Variants in RFX4 observed in about 807,000 individuals in gnomAD.
RFX4 encodes transcription factor RFX4.
In RFX4, 10 loss-of-function variants were observed where a neutral mutation model predicts 95.0. The observed-to-expected ratio is 0.11, with a 90% CI of 0.06 to 0.18. The LOEUF (loss-of-function observed/expected upper bound fraction) is 0.18. Ranked by LOEUF, RFX4 falls within the 10% of genes least tolerant of loss-of-function variation. The pLI is 1.00. For synonymous variants in RFX4, 321 were observed against 340.7 expected (o/e 0.94, Z 0.64); for missense variants, 640 against 922.0 (o/e 0.69, Z 3.96).
At chr12:106,601,288 G>A (rs754869980) in intron 1 of RFX4, 2 of 1,593,408 alleles carry the variant, frequency 1.3e-6, no homozygotes, top group East Asian at 2.3e-5. Context: ...TGATCAAAAG[G>A]AGAGCCCACC....
intron 5 of RFX4, chr12:106,684,671 G>A (rs761146553): frequency 1.8e-5 from 26 of 1,449,470 alleles, no homozygotes; most frequent in East Asian, 2.5e-5. Flanking sequence ...TGAAGCCACC[G>A]GAACCATGCT....
intron 8 of RFX4, among the ~76,000 whole-genome samples, chr12:106,702,684 T>G (rs2042013859): frequency 6.6e-6 from 1 of 152,340 alleles, no homozygotes; most frequent in South Asian, 2.1e-4. Flanking sequence ...ACTCTAGTGA[T>G]TTGATCCCTT....
intron 10 of RFX4, among the ~76,000 whole-genome samples, chr12:106,713,423 C>T (rs2042227461): frequency 1.3e-5 from 2 of 152,118 alleles, no homozygotes; most frequent in African/African-American, 2.4e-5. Context: ...ATGAAAGAAA[C>T]AGAATGGAAA....
Position 106,686,839 on chromosome 12 carries a change from CTTTTT to C in RFX4, c.378-36_378-32del, listed in dbSNP as rs56287989. On this transcript the variant is annotated intron_variant, in intron 5 of 17. Coordinates refer to ENST00000392842, the MANE Select transcript of RFX4 (RefSeq NM_213594.3). ...AATAACAGTGCATGTGGGTCTCTCT[CTTTTT>C]TTTTTTTTCTCTCTCTCCCTCCCTC... 4,320 of 1,395,870 alleles carry C rather than the reference CTTTTT, an allele frequency of 3.1e-3. 21 individuals carry two copies. Among genetic ancestry groups the C allele is most frequent in the Admixed American group, 4.8e-3 (252 of 52,742 alleles). 86.5% of individuals were successfully genotyped at this position (1,395,870 alleles called of 1,614,324 possible). A position where few individuals can be genotyped will look rare whatever the true frequency, so the allele number is the denominator to read the frequency against.
intron 2 of RFX4, among the ~76,000 whole-genome samples, chr12:106,611,660 G>A (rs112504378): frequency 6.6e-6 from 1 of 152,164 alleles, no homozygotes; most frequent in African/African-American, 2.4e-5. Context: ...ACAGGCACAT[G>A]CCACTGCGCC....
chr12:106,587,744 G>T (rs947039647), intron 1 of RFX4, among the ~76,000 whole-genome samples: 5 of 152,162 alleles, frequency 3.3e-5, no homozygotes, highest in African/African-American at 1.2e-4. Context: ...ACGACCCGTG[G>T]GTCGCCCAGG....
chr12:106,650,790 G>T (rs966321354), intron 3 of RFX4, among the ~76,000 whole-genome samples: 2 of 151,812 alleles, frequency 1.3e-5, no homozygotes, highest in African/African-American at 4.8e-5. Context: ...TTGTTTTGTT[G>T]TTTGACATTC....
At chr12:106,690,683 T>C (rs2041762187) in intron 7 of RFX4, among the ~76,000 whole-genome samples, 1 of 152,164 alleles carries the variant, frequency 6.6e-6, no homozygotes, top group South Asian at 2.1e-4. Flanking sequence ...TAGGAAGGCA[T>C]ACCCCCTACT....
At chr12:106,658,862 T>C (rs1033527655) in intron 4 of RFX4, among the ~76,000 whole-genome samples, 4 of 152,182 alleles carry the variant, frequency 2.6e-5, no homozygotes, top group Non-Finnish European at 5.9e-5. Flanking sequence ...GGAGTCCCTC[T>C]GTAGCTCTGT....
At chr12:106,742,638 GA>G (rs1296870751) in intron 15 of RFX4, among the ~76,000 whole-genome samples, 1 of 152,122 alleles carries the variant, frequency 6.6e-6, no homozygotes, top group Non-Finnish European at 1.5e-5. Context: ...TACTGAATCA[GA>G]ATCTGCATTT....
intron 2 of RFX4, among the ~76,000 whole-genome samples, chr12:106,628,986 T>C (rs2040361848): frequency 6.6e-6 from 1 of 152,112 alleles, no homozygotes; most frequent in Non-Finnish European, 1.5e-5. Flanking sequence ...CTCGAATTCC[T>C]TACCTCAAGT....
At chr12:106,750,446 C>T (rs2042978475) in intron 16 of RFX4, among the ~76,000 whole-genome samples, 1 of 135,044 alleles carries the variant, frequency 7.4e-6, no homozygotes, top group Non-Finnish European at 1.5e-5. Context: ...CACTGCACTC[C>T]AGCCTGGGCA....
chr12:106,720,032 T>C lies in RFX4; in HGVS notation c.1211T>C (p.Met404Thr), dbSNP rs1238896895. The change falls in exon 12 of 18, where the codon ATG (methionine) becomes ACG (threonine). Residue 404 changes from methionine to threonine, a missense_variant. By Grantham distance (81) the Met-to-Thr change is moderately conservative (BLOSUM62 -1). Around this residue, in one of 7 missense-constraint regions of RFX4, gnomAD observed 72 missense variants for 80.5 expected, o/e 0.89. Coordinates refer to ENST00000392842, the MANE Select transcript of RFX4 (RefSeq NM_213594.3). The surrounding 1 kb of genome is among the most constrained non-coding windows in gnomAD (Gnocchi z 4.2). ...TCCTACATTGAGTGGCTGGATACCATGGTTGACCGCTGTGTTGTGAAGGTT... is the reference window on the plus strand; with the variant it reads ...TCCTACATTGAGTGGCTGGATACCACGGTTGACCGCTGTGTTGTGAAGGTT... ...IESYIEWLDTMVDRCVVKVAA... is the reference protein window; with the variant it reads ...IESYIEWLDTTVDRCVVKVAA... The C allele has an allele frequency of 6.2e-7, 1 of 1,614,234 alleles. No homozygotes were observed. Among genetic ancestry groups the C allele is most frequent in the Admixed American group, 1.7e-5 (1 of 60,030 alleles).
At position 106,761,776 on chromosome 12, in the gene RFX4, C is replaced by T. The variant is rs1408026002; in HGVS notation, c.*307C>T. The T allele has an allele frequency of 6.4e-6, 1 of 157,016 alleles. No homozygotes were observed. Among genetic ancestry groups the T allele is most frequent in the Admixed American group, 6.5e-5 (1 of 15,428 alleles). The allele number at this position is 157,016 out of a possible 1,614,324, so 9.7% of individuals were successfully genotyped here. A position where few individuals can be genotyped will look rare whatever the true frequency, so the allele number is the denominator to read the frequency against. On this transcript the variant is annotated 3_prime_UTR_variant, in exon 18 of 18. Transcript: ENST00000392842. The stretch of plus-strand genomic sequence containing the variant: ...CTTTTCCCTCTGTTCCATGACTTTG[C>T]TTTGTGTTGGCAACCACTTCTAGTA...
chr12:106,649,298 T>G (rs777959864), intron 3 of RFX4, among the ~76,000 whole-genome samples: 5 of 152,222 alleles, frequency 3.3e-5, no homozygotes, highest in Admixed American at 6.5e-5. Context: ...CCTCTGGTTT[T>G]GGGCAAAGGT....
intron 3 of RFX4, among the ~76,000 whole-genome samples, chr12:106,640,487 CTCAGCAG>C (rs2040599387): frequency 6.6e-6 from 1 of 152,234 alleles, no homozygotes; most frequent in Non-Finnish European, 1.5e-5. Flanking sequence ...TAACAAGAGC[CTCAGCAG>C]TCAGCTTGTT....
intron 7 of RFX4, among the ~76,000 whole-genome samples, chr12:106,695,151 T>C (rs2041855831): frequency 6.6e-6 from 1 of 152,142 alleles, no homozygotes; most frequent in African/African-American, 2.4e-5. Flanking sequence ...ATGTGGATAA[T>C]GCTACATGTG....
intron 2 of RFX4, among the ~76,000 whole-genome samples, chr12:106,618,348 T>C (rs981624961): frequency 4.6e-5 from 7 of 152,158 alleles, no homozygotes; most frequent in African/African-American, 1.7e-4. Context: ...CTATGACAGG[T>C]ATGTTAATAT....
chr12:106,610,190 AT>A (rs1261604043), intron 2 of RFX4, among the ~76,000 whole-genome samples: 5 of 146,428 alleles, frequency 3.4e-5, no homozygotes, highest in Non-Finnish European at 7.5e-5. Flanking sequence ...GTGAGCCAAG[AT>A]TGTGCCACTG....
Sources: allele counts gnomAD v4.1 joint callset (sites outside exome capture counted in the v4.1 genomes callset), GRCh38; gene constraint gnomAD v4.1.1; regional missense constraint gnomAD v4.1.1; non-coding constraint Gnocchi (gnomAD v3.1); transcripts MANE v1.5; gene names NCBI Gene and HGNC (gene_info 2026-07-23, HGNC 2026-07-21).